ATG10: variants seen among roughly 807,000 people sequenced by gnomAD.
ATG10 encodes the protein autophagy related 10, also known as ubiquitin-like-conjugating enzyme ATG10.
In ATG10, 30 loss-of-function variants were observed where a neutral mutation model predicts 32.1. That is an observed-to-expected ratio of 0.94 (90% CI 0.70 to 1.27). The LOEUF (loss-of-function observed/expected upper bound fraction) is 1.27. Among genes scored for constraint, ATG10 ranks in the 50% most tolerant of loss-of-function variants. The pLI is 0.00. For missense variants in ATG10, 233 were observed against 262.3 expected, an observed-to-expected ratio of 0.89 and a Z score of 0.77; for synonymous variants, 87 against 91.5, an observed-to-expected ratio of 0.95 and a Z score of 0.28.
chr5:82,187,519 C>CA (rs11312827), intron 5 of ATG10, among the ~76,000 whole-genome samples: 10,396 of 114,768 alleles, frequency 0.091, 394 homozygotes, highest in Non-Finnish European at 0.11. Flanking sequence ...AGACTGTCTA[C>CA]AAAAAAAAAA....
At chr5:82,077,976 C>G (rs1301748534) in intron 3 of ATG10, among the ~76,000 whole-genome samples, 1 of 152,140 alleles carries the variant, frequency 6.6e-6, no homozygotes, top group Non-Finnish European at 1.5e-5. Flanking sequence ...GGAGTAAGGT[C>G]TTAGTGCATT....
At chr5:82,170,152 G>A (rs1021187243) in intron 4 of ATG10, among the ~76,000 whole-genome samples, 5 of 151,984 alleles carry the variant, frequency 3.3e-5, no homozygotes, top group Non-Finnish European at 5.9e-5. Flanking sequence ...AAAATAACAA[G>A]GTAAGTACAT....
At chr5:82,113,490 T>C (rs1042947341) in intron 3 of ATG10, among the ~76,000 whole-genome samples, 5 of 151,972 alleles carry the variant, frequency 3.3e-5, no homozygotes, top group Admixed American at 6.6e-5. Context: ...CTATTGGGAA[T>C]GATATTTTAT....
At chr5:82,143,132 A>G (rs1767217077) in intron 3 of ATG10, among the ~76,000 whole-genome samples, 2 of 152,224 alleles carry the variant, frequency 1.3e-5, no homozygotes, top group African/African-American at 4.8e-5. Context: ...GAACAAAAGC[A>G]CGGAGGTGGA....
chr5:82,171,225 T>A (rs542801158), intron 4 of ATG10, among the ~76,000 whole-genome samples: 1 of 152,354 alleles, frequency 6.6e-6, no homozygotes, highest in African/African-American at 2.4e-5. Flanking sequence ...TAACACTGTG[T>A]GTGGACAGTT....
rs185996177 is a variant in ATG10, at chr5:82,225,722, C to A, written c.454-26840C>A. On this transcript the variant is annotated intron_variant, in intron 5 of 7. Coordinates refer to ENST00000282185, the MANE Select transcript of ATG10 (RefSeq NM_031482.5). ...CAATGGCAGGTACATTAAGGAGTGT[C>A]TCTGTGCCTACCGGGTGATGGATGG... Among the ~76,000 whole-genome samples, 11 of 152,256 alleles carry A rather than the reference C, an allele frequency of 7.2e-5. No individual in the cohort carries two copies. The East Asian group carries it at 2.1e-3, about 29-fold the overall frequency.
chr5:82,239,144 A>G (rs1746685397), intron 5 of ATG10, among the ~76,000 whole-genome samples: 1 of 152,150 alleles, frequency 6.6e-6, no homozygotes, highest in South Asian at 2.1e-4. Flanking sequence ...TTATGTTGGG[A>G]CTTCTGCAAT....
chr5:82,146,602 C>T (rs1231517553), intron 3 of ATG10, among the ~76,000 whole-genome samples: 4 of 150,416 alleles, frequency 2.7e-5, no homozygotes, highest in Non-Finnish European at 5.9e-5. Context: ...ATACTTTGTT[C>T]ATTTTCTTTT....
At chr5:82,094,023 A>T (rs574841359) in intron 3 of ATG10, among the ~76,000 whole-genome samples, 1 of 152,078 alleles carries the variant, frequency 6.6e-6, no homozygotes, top group African/African-American at 2.4e-5. Context: ...TTCTTTCCTT[A>T]TACACATGAG....
chr5:82,039,980 A>G (rs1349240822), intron 2 of ATG10, among the ~76,000 whole-genome samples: 1 of 152,154 alleles, frequency 6.6e-6, no homozygotes. Flanking sequence ...ACAACTGTTA[A>G]GGGTATACTG....
chr5:82,234,989 C>T (rs903726165), intron 5 of ATG10, among the ~76,000 whole-genome samples: 10 of 152,164 alleles, frequency 6.6e-5, no homozygotes, highest in African/African-American at 1.7e-4. Flanking sequence ...ACTTTAATTA[C>T]GCCCATCAGT....
intron 2 of ATG10, among the ~76,000 whole-genome samples, chr5:82,000,326 T>C (rs1363316437): frequency 1.3e-5 from 2 of 152,070 alleles, no homozygotes; most frequent in East Asian, 1.9e-4. Flanking sequence ...TTCAAAATAA[T>C]GAGAGCCATC....
rs368011834 is a variant in ATG10 at position 82,255,374 on chromosome 5, G to C, written c.*1311G>C. 6 of 152,264 alleles carry C rather than the reference G, an allele frequency of 3.9e-5. No individual in the cohort carries two copies. The East Asian group carries it at 1.2e-3, about 29-fold the overall frequency. The allele number at this position is 152,264 out of a possible 1,614,324, so 9.4% of individuals were successfully genotyped here. Reference sequence around the variant, plus strand: ...AGTTTCATAGCCAGTTAAGTATTAAGATAAACCTAACCTGGAACAATTTTT... The same window carrying C: ...AGTTTCATAGCCAGTTAAGTATTAACATAAACCTAACCTGGAACAATTTTT... On this transcript the variant is annotated 3_prime_UTR_variant, in exon 8 of 8. Transcript: ENST00000282185.
chr5:81,993,319 CTT>C (rs1491539552), intron 2 of ATG10, among the ~76,000 whole-genome samples: 1 of 113,562 alleles, frequency 8.8e-6, no homozygotes, highest in African/African-American at 3.8e-5. Context: ...TCCTTTCTTT[CTT>C]TCTTTCCTTC....
At chr5:82,057,436 G>A (rs1763638171) in intron 2 of ATG10, among the ~76,000 whole-genome samples, 1 of 152,130 alleles carries the variant, frequency 6.6e-6, no homozygotes, top group African/African-American at 2.4e-5. Flanking sequence ...CTAGCTTCCA[G>A]TGGCTGATGG....
chr5:81,975,535 AG>A (rs1760844742), intron 1 of ATG10, among the ~76,000 whole-genome samples: 1 of 152,144 alleles, frequency 6.6e-6, no homozygotes. Flanking sequence ...ACAAAAAATT[AG>A]CTGTGCATGG....
At chr5:82,091,021 G>A (rs1293367863) in intron 3 of ATG10, among the ~76,000 whole-genome samples, 1 of 152,130 alleles carries the variant, frequency 6.6e-6, no homozygotes, top group Admixed American at 6.6e-5. Flanking sequence ...GATGGTGTTT[G>A]ATAAGCTTCT....
intron 2 of ATG10, among the ~76,000 whole-genome samples, chr5:82,018,932 T>C (rs970035298): frequency 6.6e-6 from 1 of 152,226 alleles, no homozygotes; most frequent in African/African-American, 2.4e-5. Context: ...ATTATGTTTA[T>C]TGTTTAATAT....
chr5:82,137,461 C>T lies in ATG10; in HGVS notation c.217-26938C>T, dbSNP rs1027092837. On this transcript the variant is annotated intron_variant, in intron 3 of 7. Transcript: ENST00000282185. ...TTTCTGTTTCTTACTGTCCTTCTAA[C>T]AGTCAAGCCCGTCTGCTGTAGGTCT... 6.6e-5 allele frequency among the ~76,000 whole-genome samples: 10 copies of T among 152,314 alleles called. No homozygotes were observed. In the South Asian group the frequency reaches 2.1e-3, roughly 32 times the overall value.
Sources: gnomAD v4.1 joint callset for allele counts (sites outside exome capture counted in the v4.1 genomes callset) on GRCh38, gnomAD v4.1.1 for gene constraint, MANE v1.5 for transcripts, NCBI Gene and HGNC (gene_info 2026-07-23, HGNC 2026-07-21) for gene names.